Variants in DENND5B observed in about 807,000 individuals in gnomAD.
DENND5B encodes DENN domain containing 5B.
Under a neutral mutation model 140.6 loss-of-function variants are expected in DENND5B, and 34 were observed. That is an observed-to-expected ratio of 0.24 (90% confidence interval 0.18 to 0.32). DENND5B has a LOEUF of 0.32. Ranked by LOEUF, DENND5B falls within the 10% of genes least tolerant of loss-of-function variation. The probability of loss-of-function intolerance (pLI) is 1.00; values close to 1 mark genes in which losing one functional copy is unlikely to be tolerated. For synonymous variants in DENND5B, 551 were observed against 562.1 expected, an observed-to-expected ratio of 0.98 and a Z score of 0.28; for missense variants, 1,142 against 1,560.2, an observed-to-expected ratio of 0.73 and a Z score of 4.52.
rs568028525 is a variant in DENND5B, at chr12:31,489,255, A to C, written c.237+6555T>G. Among the ~76,000 whole-genome samples the C allele has an allele frequency of 8.1e-4, 124 of 152,152 alleles. 1 individual carries two copies. The highest frequency in any genetic ancestry group is 4.2e-3 in the South Asian group (20 of 4,804). On this transcript the variant is annotated intron_variant, in intron 2 of 20. Coordinates refer to ENST00000389082, the MANE Select transcript of DENND5B (RefSeq NM_144973.4). ...GTTTGCACAATAAAATCACCTAACA[A>C]CACATTTCTCAGAATGTCTCCCTCC...
At chr12:31,408,567 C>A (rs920654609) in intron 14 of DENND5B, among the ~76,000 whole-genome samples, 2 of 122,620 alleles carry the variant, frequency 1.6e-5, no homozygotes, top group East Asian at 5.7e-4. Context: ...GTGGAGGCTG[C>A]GGTGAGCTGA....
chr12:31,577,804 C>A lies in DENND5B; in HGVS notation c.127+12902G>T, dbSNP rs1056419694. Among the ~76,000 whole-genome samples, 4 of 150,478 alleles carry A rather than the reference C, an allele frequency of 2.7e-5. No homozygotes were observed. In the East Asian group the frequency reaches 7.9e-4, roughly 30 times the overall value. Reference sequence around the variant, plus strand: ...AACTATATTTAAGGATTCAGCACTTCAGTCTTCACAGCAGAACTGAATGAA... The same window carrying A: ...AACTATATTTAAGGATTCAGCACTTAAGTCTTCACAGCAGAACTGAATGAA... On this transcript the variant is annotated intron_variant, in intron 1 of 20. Transcript: ENST00000389082.
intron 3 of DENND5B, among the ~76,000 whole-genome samples, chr12:31,473,860 A>C (rs1335166773): frequency 2.0e-5 from 3 of 152,212 alleles, no homozygotes; most frequent in African/African-American, 7.2e-5. Context: ...CAAGGAAGAG[A>C]TTCTCACATA....
chr12:31,481,928 T>C (rs1464968606), intron 2 of DENND5B, among the ~76,000 whole-genome samples: 1 of 152,142 alleles, frequency 6.6e-6, no homozygotes, highest in African/African-American at 2.4e-5. Context: ...GAGGAAGAAG[T>C]TGAGAGGGCC....
At chr12:31,454,413 T>G (rs973250198) in intron 4 of DENND5B, among the ~76,000 whole-genome samples, 17 of 152,200 alleles carry the variant, frequency 1.1e-4, no homozygotes, top group Non-Finnish European at 1.9e-4. Context: ...TGTCGCATCT[T>G]GCTGAAGACA....
intron 6 of DENND5B, 51 bp downstream of exon 6, chr12:31,447,486 GA>G: frequency 1.3e-6 from 2 of 1,502,858 alleles, no homozygotes; most frequent in Non-Finnish European, 9.0e-7. Context: ...CAATTTGTGG[GA>G]AAAAAGCGAT....
At chr12:31,565,495 T>C (rs1399981697) in intron 1 of DENND5B, among the ~76,000 whole-genome samples, 2 of 152,244 alleles carry the variant, frequency 1.3e-5, no homozygotes, top group Non-Finnish European at 2.9e-5. Flanking sequence ...CTAAAACAGA[T>C]GCACAACCAA....
intron 2 of DENND5B, among the ~76,000 whole-genome samples, chr12:31,493,476 T>C (rs1201458343): frequency 6.6e-6 from 1 of 151,656 alleles, no homozygotes; most frequent in Non-Finnish European, 1.5e-5. Flanking sequence ...GGTGGATCAC[T>C]AGAGGTCAGG....
chr12:31,504,610 C>A (rs575630231), intron 1 of DENND5B, among the ~76,000 whole-genome samples: 13 of 152,284 alleles, frequency 8.5e-5, no homozygotes, highest in Non-Finnish European at 1.8e-4. Context: ...CCTCCCTAAA[C>A]CTTCCCACTA....
intron 1 of DENND5B, among the ~76,000 whole-genome samples, chr12:31,550,798 C>T (rs1592030538): frequency 6.6e-6 from 1 of 152,296 alleles, no homozygotes; most frequent in East Asian, 1.9e-4. Flanking sequence ...TTTTGATTTG[C>T]ATTTCTCTGA....
At chr12:31,448,887 C>A (rs1440913340) in intron 5 of DENND5B, among the ~76,000 whole-genome samples, 9 of 152,246 alleles carry the variant, frequency 5.9e-5, no homozygotes, top group African/African-American at 1.7e-4. Flanking sequence ...GCCTGAAAAA[C>A]CATCAGAAGC....
chr12:31,564,259 T>C (rs961567723), intron 1 of DENND5B, among the ~76,000 whole-genome samples: 2 of 152,170 alleles, frequency 1.3e-5, no homozygotes, highest in Non-Finnish European at 2.9e-5. Flanking sequence ...TGAGTATCCA[T>C]AAACTTTACC....
At chr12:31,505,899 AT>A (rs1267516606) in intron 1 of DENND5B, among the ~76,000 whole-genome samples, 2 of 152,120 alleles carry the variant, frequency 1.3e-5, no homozygotes, top group Non-Finnish European at 2.9e-5. Flanking sequence ...CAGTGGCACG[AT>A]CATGGCTTAC....
intron 15 of DENND5B, among the ~76,000 whole-genome samples, chr12:31,400,213 G>C (rs1941717962): frequency 6.6e-6 from 1 of 152,148 alleles, no homozygotes; most frequent in African/African-American, 2.4e-5. Flanking sequence ...CACTGACACT[G>C]ATATTCTTTT....
intron 1 of DENND5B, among the ~76,000 whole-genome samples, chr12:31,566,658 G>T (rs868550841): frequency 1.1e-4 from 16 of 151,920 alleles, no homozygotes; most frequent in Middle Eastern, 3.2e-3. Flanking sequence ...AGAGTTCCAG[G>T]AATACCTTAA....
intron 3 of DENND5B, among the ~76,000 whole-genome samples, chr12:31,463,542 A>ATCT (rs1443639475): frequency 6.6e-6 from 1 of 152,242 alleles, no homozygotes; most frequent in Non-Finnish European, 1.5e-5. Context: ...TTTGCTAGAT[A>ATCT]TCTATAACTT....
intron 8 of DENND5B, among the ~76,000 whole-genome samples, chr12:31,430,009 T>C (rs1302948621): frequency 6.6e-6 from 1 of 151,692 alleles, no homozygotes; most frequent in African/African-American, 2.4e-5. Context: ...CCAGCCTGAA[T>C]ACTTTTTTGT....
At position 31,441,550 on chromosome 12, in the gene DENND5B, T is replaced by C. The variant is rs561004207; in HGVS notation, c.2012+1225A>G. 2.0e-5 allele frequency among the ~76,000 whole-genome samples: 3 copies of C among 151,596 alleles called. No homozygotes were observed. In the East Asian group the frequency reaches 5.9e-4, roughly 30 times the overall value. On this transcript the variant is annotated intron_variant, in intron 7 of 20. Transcript: ENST00000389082. ...CCAGGCTGGATAATAGTGGTGATCA[T>C]AGGTCACTGCAACCTCCAACTCCTG...
chr12:31,495,159 T>C (rs1946707701), intron 2 of DENND5B, among the ~76,000 whole-genome samples: 1 of 152,190 alleles, frequency 6.6e-6, no homozygotes, highest in South Asian at 2.1e-4. Context: ...GTAATCAGGC[T>C]CTTTCCATCA....
Sources: allele counts gnomAD v4.1 joint callset (sites outside exome capture counted in the v4.1 genomes callset), GRCh38; gene constraint gnomAD v4.1.1; transcripts MANE v1.5; gene names NCBI Gene and HGNC (gene_info 2026-07-23, HGNC 2026-07-21).